RHOD: variants seen among roughly 807,000 people sequenced by gnomAD.
RHOD encodes the protein ras homolog family member D.
RHOD carries 11 observed loss-of-function variants against 16.7 expected under a neutral mutation model. That is an observed-to-expected ratio of 0.66 (90% CI 0.41 to 1.09). The LOEUF is 1.09. RHOD is among the 50% of genes least tolerant of loss of function. The pLI is 0.00. For synonymous variants in RHOD, 124 were observed against 126.3 expected, an observed-to-expected ratio of 0.98 and a Z score of 0.12; for missense variants, 271 against 291.7, an observed-to-expected ratio of 0.93 and a Z score of 0.52.
Position 67,065,911 on chromosome 11 carries a change from GT to G in RHOD, c.149del (p.Val50GlyfsTer11), listed in dbSNP as rs775718768. On this transcript the variant is annotated frameshift_variant, in exon 2 of 5. Transcript: ENST00000308831. LOFTEE classifies it high-confidence loss of function. ...GAFPESYTPT[V>X]FERYMVNLQV... The stretch of plus-strand genomic sequence containing the variant: ...TTCTCCTCAGAGCTACACCCCCACG[GT>G]GTTTGAGCGGTACATGGTCAACCTG... 2 of 1,585,290 alleles carry G rather than the reference GT, an allele frequency of 1.3e-6. No homozygotes were observed. The highest frequency in any genetic ancestry group is 1.7e-6 in the Non-Finnish European group (2 of 1,161,988).
At chr11:67,068,045 C>T (rs992260950) in intron 3 of RHOD, among the ~76,000 whole-genome samples, 4 of 151,962 alleles carry the variant, frequency 2.6e-5, no homozygotes, top group South Asian at 2.1e-4. Context: ...GTGATCCGCC[C>T]GCCTCGGCCT....
chr11:67,068,137 T>C (rs760173242), intron 3 of RHOD, among the ~76,000 whole-genome samples: 122 of 152,184 alleles, frequency 8.0e-4, no homozygotes, highest in Non-Finnish European at 1.5e-3. Flanking sequence ...AAGGTGGAGT[T>C]GCCCTTGGCC....
intron 2 of RHOD, among the ~76,000 whole-genome samples, chr11:67,066,245 C>A (rs1483606962): frequency 6.6e-6 from 1 of 152,210 alleles, no homozygotes; most frequent in Non-Finnish European, 1.5e-5. Flanking sequence ...TGTTCCTGGC[C>A]TTCTGAGCAC....
intron 3 of RHOD, among the ~76,000 whole-genome samples, chr11:67,067,812 T>A (rs1306059038): frequency 6.6e-6 from 1 of 151,738 alleles, no homozygotes; most frequent in African/African-American, 2.4e-5. Context: ...TGTTTGTTTG[T>A]TTTTTGAAAC....
At chr11:67,068,292 G>A (rs899026339) in intron 3 of RHOD, among the ~76,000 whole-genome samples, 2 of 152,292 alleles carry the variant, frequency 1.3e-5, no homozygotes, top group East Asian at 1.9e-4. Flanking sequence ...TAGAAGCTAC[G>A]GGTGCAGTAA....
intron 1 of RHOD, among the ~76,000 whole-genome samples, chr11:67,061,751 A>T (rs1446533377): frequency 9.0e-4 from 122 of 136,168 alleles, no homozygotes; most frequent in Middle Eastern, 7.5e-3. Context: ...AAAAAAAAAA[A>T]AAAAATATAT....
intron 2 of RHOD, among the ~76,000 whole-genome samples, chr11:67,066,217 G>T (rs1472421882): frequency 6.6e-6 from 1 of 152,192 alleles, no homozygotes; most frequent in Non-Finnish European, 1.5e-5. Flanking sequence ...CGGGAGTCCA[G>T]CACTTTGCTT....
At chr11:67,062,385 A>G (rs1201244935) in intron 1 of RHOD, among the ~76,000 whole-genome samples, 1 of 152,196 alleles carries the variant, frequency 6.6e-6, no homozygotes, top group Non-Finnish European at 1.5e-5. Context: ...GCTCCTAGCT[A>G]CCAGGTCACA....
chr11:67,068,481 G>A (rs758793139), intron 3 of RHOD, among the ~76,000 whole-genome samples: 5 of 152,098 alleles, frequency 3.3e-5, no homozygotes, highest in African/African-American at 9.7e-5. Flanking sequence ...GCCCAGGGTC[G>A]GGGTTATCGA....
At chr11:67,063,890 G>A (rs1324498170) in intron 1 of RHOD, among the ~76,000 whole-genome samples, 3 of 148,856 alleles carry the variant, frequency 2.0e-5, no homozygotes, top group African/African-American at 5.0e-5. Flanking sequence ...GGCAGATCAC[G>A]AGGTCAGGAG....
chr11:67,071,708 G>GCA lies in RHOD; in HGVS notation c.*107_*108dup, dbSNP rs1253275572. On this transcript the variant is annotated 3_prime_UTR_variant, in exon 5 of 5. Transcript: ENST00000308831. ...TAGGCTGTGACCGCCGAACTCCACT[G>GCA]CAACAGACGGGCGCCACCAAAGCCA... The GCA allele has an allele frequency of 2.5e-6, 3 of 1,197,760 alleles. No individual in the cohort carries two copies. In the African/African-American group the frequency reaches 4.6e-5, roughly 18 times the overall value. 74.2% of individuals were successfully genotyped at this position (1,197,760 alleles called of 1,614,324 possible). A position where few individuals can be genotyped will look rare whatever the true frequency, so the allele number is the denominator to read the frequency against.
At chr11:67,070,659 G>T in intron 4 of RHOD, 100 bp downstream of exon 4, 1 of 1,423,458 alleles carries the variant, frequency 7.0e-7, no homozygotes, top group Non-Finnish European at 9.7e-7. Context: ...TCAGGGTGTA[G>T]GTCAGAGCTG....
intron 1 of RHOD, among the ~76,000 whole-genome samples, chr11:67,058,758 C>A (rs544382984): frequency 6.6e-6 from 1 of 152,344 alleles, no homozygotes; most frequent in East Asian, 1.9e-4. Flanking sequence ...GCCTGTCTCC[C>A]ACCCTTGGCC....
At chr11:67,067,321 G>A (rs1439843589) in intron 3 of RHOD, among the ~76,000 whole-genome samples, 1 of 152,164 alleles carries the variant, frequency 6.6e-6, no homozygotes, top group Non-Finnish European at 1.5e-5. Flanking sequence ...TTTAGCCATG[G>A]CACAGCCCCT....
chr11:67,065,506 G>A lies in RHOD; in HGVS notation c.133-390G>A, dbSNP rs540645403. On this transcript the variant is annotated intron_variant, in intron 1 of 4. Transcript: ENST00000308831. Reference sequence around the variant, plus strand: ...TCGTGCCTCAGCCTCTTAAGTAGTGGGATTACAGGCAGGCCCACCATTCCC... The same window carrying A: ...TCGTGCCTCAGCCTCTTAAGTAGTGAGATTACAGGCAGGCCCACCATTCCC... Among the ~76,000 whole-genome samples the A allele has an allele frequency of 9.9e-5, 15 of 152,006 alleles. No homozygotes were observed. In the South Asian group the frequency reaches 1.9e-3, roughly 19 times the overall value.
At chr11:67,064,404 C>CAA (rs551453728) in intron 1 of RHOD, among the ~76,000 whole-genome samples, 8 of 61,124 alleles carry the variant, frequency 1.3e-4, no homozygotes, top group East Asian at 4.7e-4. Context: ...GACTCCCTCT[C>CAA]AAAAAAAAAA....
At chr11:67,064,194 C>A (rs1446687235) in intron 1 of RHOD, among the ~76,000 whole-genome samples, 3 of 149,860 alleles carry the variant, frequency 2.0e-5, no homozygotes, top group Non-Finnish European at 3.0e-5. Context: ...ATCACGAGGT[C>A]AGGAGATCGA....
intron 1 of RHOD, among the ~76,000 whole-genome samples, chr11:67,060,903 G>C (rs1056893632): frequency 2.6e-5 from 4 of 152,250 alleles, no homozygotes; most frequent in African/African-American, 9.6e-5. Flanking sequence ...TGGGAGCTCA[G>C]ATGCAAGGGC....
intron 1 of RHOD, among the ~76,000 whole-genome samples, chr11:67,063,040 C>A (rs1437686469): frequency 6.6e-6 from 1 of 152,178 alleles, no homozygotes; most frequent in Non-Finnish European, 1.5e-5. Flanking sequence ...GAGTAAGGGG[C>A]CTCTGTCCTG....
Sources: gnomAD v4.1 joint callset for allele counts (sites outside exome capture counted in the v4.1 genomes callset) on GRCh38, gnomAD v4.1.1 for gene constraint, MANE v1.5 for transcripts, NCBI Gene and HGNC (gene_info 2026-07-23, HGNC 2026-07-21) for gene names.